Variants in MGAM observed in about 807,000 individuals in gnomAD.
MGAM encodes alpha-1,4-glucosidase.
In MGAM, 253 loss-of-function variants were observed where a neutral mutation model predicts 358.8. The observed-to-expected ratio is 0.71, with a 90% CI of 0.64 to 0.78. The LOEUF is 0.78. Ranked by LOEUF, MGAM falls within the 30% of genes least tolerant of loss-of-function variation. The pLI is 0.00. For missense variants in MGAM, 3,080 were observed against 3,432.6 expected, an observed-to-expected ratio of 0.90 and a Z score of 2.57; for synonymous variants, 1,105 against 1,227.1, an observed-to-expected ratio of 0.90 and a Z score of 2.08.
intron 67 of MGAM, among the ~76,000 whole-genome samples, chr7:142,100,104 A>G (rs987459366): frequency 2.0e-5 from 3 of 152,226 alleles, no homozygotes; most frequent in Non-Finnish European, 2.9e-5. Flanking sequence ...TTCCTCTACA[A>G]GATGTTAAAA....
intron 19 of MGAM, 138 bp from the exon 20 acceptor site, chr7:142,039,977 G>C: frequency 1.5e-6 from 1 of 656,930 alleles, no homozygotes; most frequent in South Asian, 2.0e-5. Flanking sequence ...TCTATTATTT[G>C]TATTAGAGGA....
chr7:142,060,512 T>G (rs62477621), intron 34 of MGAM, 139 bp downstream of exon 34: 182,339 of 958,384 alleles, frequency 0.19, 6,555 homozygotes, highest in East Asian at 0.32. Flanking sequence ...TTGGGTGTCA[T>G]TCTGTATGCC....
chr7:142,071,374 A>G (rs892359677), intron 44 of MGAM, among the ~76,000 whole-genome samples: 1 of 146,798 alleles, frequency 6.8e-6, no homozygotes, highest in Non-Finnish European at 1.5e-5. Context: ...CACATCTGAC[A>G]TGGAAGTCAA....
intron 18 of MGAM, 42 bp downstream of exon 18, chr7:142,037,019 G>C (rs782656863): frequency 7.6e-6 from 12 of 1,570,850 alleles, no homozygotes; most frequent in Non-Finnish European, 1.0e-5. Context: ...AATGCATCTG[G>C]AATGACATTG....
intron 3 of MGAM, among the ~76,000 whole-genome samples, chr7:142,009,838 C>G (rs563867590): frequency 1.3e-5 from 2 of 151,992 alleles, no homozygotes; most frequent in Non-Finnish European, 2.9e-5. Flanking sequence ...GTATGCTGAT[C>G]CAGATTGTTG....
In MGAM at chr7:142,094,673, C is replaced by T. The variant is rs1002730011; in HGVS notation, c.7341+19C>T. The T allele has an allele frequency of 5.0e-6, 8 of 1,612,162 alleles. No individual in the cohort carries two copies. In the Admixed American group the frequency reaches 1.3e-4, roughly 27 times the overall value. ...ATCCTATGTGAGTGTCCTTGGGATC[C>T]TCCTAAGCACCAAGAAGGTGGGGAC... On this transcript the variant is annotated intron_variant, in intron 62 of 70. Coordinates refer to ENST00000475668, the MANE Select transcript of MGAM (RefSeq NM_001365693.1).
chr7:142,043,474 TATA>T lies in MGAM; in HGVS notation c.2498+2632_2498+2634del, dbSNP rs1280909542. ...ATATAATATATATATTATATATACA[TATA>T]ATATCTAAATATAATATATATATTA... On this transcript the variant is annotated intron_variant, in intron 21 of 70. Coordinates refer to ENST00000475668, the MANE Select transcript of MGAM (RefSeq NM_001365693.1). 3.5e-4 allele frequency among the ~76,000 whole-genome samples: 25 copies of T among 71,582 alleles called. 4 individuals carry two copies. The highest frequency in any genetic ancestry group is 1.4e-3 in the African/African-American group (24 of 17,264). 47.0% of individuals were successfully genotyped at this position (71,582 alleles called of 152,430 possible).
intron 2 of MGAM, 106 bp from the exon 3 acceptor site, chr7:142,008,400 A>T: frequency 8.1e-7 from 1 of 1,230,360 alleles, no homozygotes; most frequent in South Asian, 1.6e-5. Flanking sequence ...AGGTCATCAG[A>T]GTGAAGCCTA....
chr7:142,099,710 A>T lies in MGAM; in HGVS notation c.7847A>T (p.Gln2616Leu). 6.2e-7 allele frequency: 1 copy of T among 1,614,012 alleles called. No individual in the cohort carries two copies. The highest frequency in any genetic ancestry group is 8.5e-7 in the Non-Finnish European group (1 of 1,179,874). ...CGTGGGGGCTACATCCTGCCCTGGC[A>T]AGAGCCTGCACTGAACACCCACTTA... ...HVRGGYILPW[Q>L]EPALNTHLSR... Residue 2616 changes from glutamine (Q) to leucine (L), a missense_variant, in exon 67 of 71, where the codon CAA becomes CTA. Physicochemically the swap from Gln to Leu is moderately radical, Grantham distance 113 (BLOSUM62 -2). Around this residue, in one of 5 missense-constraint regions of MGAM, gnomAD observed 194 missense variants for 172.8 expected, o/e 1.12. Coordinates refer to ENST00000475668, the MANE Select transcript of MGAM (RefSeq NM_001365693.1).
At chr7:142,067,964 AAATATATATATATATATATATATTTT>A (rs1173056707) in intron 42 of MGAM, among the ~76,000 whole-genome samples, 7 of 31,100 alleles carry the variant, frequency 2.3e-4, no homozygotes, top group South Asian at 2.4e-3. Flanking sequence ...ATATATATAT[AAATATATATATATATATATATATTTT>A]TTTTTTTTTT....
At chr7:142,077,853 A>G (rs776002168) in intron 47 of MGAM, among the ~76,000 whole-genome samples, 12 of 145,614 alleles carry the variant, frequency 8.2e-5, no homozygotes, top group Non-Finnish European at 1.2e-4. Context: ...TAACCAGGTC[A>G]TATGATTCTT....
intron 14 of MGAM, among the ~76,000 whole-genome samples, chr7:142,033,120 A>G (rs143603525): frequency 6.6e-6 from 1 of 152,226 alleles, no homozygotes; most frequent in Non-Finnish European, 1.5e-5. Context: ...GGGGCAATCT[A>G]GTACTTCTAC....
intron 26 of MGAM, among the ~76,000 whole-genome samples, chr7:142,054,090 T>G (rs1215023654): frequency 6.6e-6 from 1 of 152,236 alleles, no homozygotes; most frequent in Non-Finnish European, 1.5e-5. Flanking sequence ...TATTCTAGAC[T>G]GTATTTCTCC....
rs1554457577 is a variant in MGAM, at chr7:142,019,306, C to T, written c.435C>T (p.Val145=). 3.7e-6 allele frequency: 6 copies of T among 1,613,012 alleles called. No individual in the cohort carries two copies. Among genetic ancestry groups the T allele is most frequent in the South Asian group, 1.1e-5 (1 of 91,072 alleles). The change falls in exon 4 of 71, where the codon GTC becomes GTT. Residue 145 remains valine, a synonymous_variant. Transcript: ENST00000475668. ...GCTACCATGTAGAGGGCAACCTTGTCAACACAAATGCAGGTAAGCCAGAGT... is the reference window on the plus strand; with the variant it reads ...GCTACCATGTAGAGGGCAACCTTGTTAACACAAATGCAGGTAAGCCAGAGT... ...NHSYHVEGNL[V]NTNAGFTARL... is the part of the protein sequence containing the mutation.
In MGAM at chr7:142,096,100, G is replaced by A. The variant is rs1815879856; in HGVS notation, c.7608-231G>A. ...TTGCCATGGTTGAGAAATGGGGCAA[G>A]TATTTTACAAGAGAGAATACATCTA... is the stretch of plus-strand genomic sequence containing the variant. On this transcript the variant is annotated intron_variant, in intron 64 of 70. Coordinates refer to ENST00000475668, the MANE Select transcript of MGAM (RefSeq NM_001365693.1). 5 of 609,842 alleles carry A rather than the reference G, an allele frequency of 8.2e-6. No individual in the cohort carries two copies. In the South Asian group the frequency reaches 8.3e-5, roughly 10 times the overall value. 37.8% of individuals were successfully genotyped at this position (609,842 alleles called of 1,614,324 possible). A position where few individuals can be genotyped will look rare whatever the true frequency, so the allele number is the denominator to read the frequency against.
At position 142,030,397 on chromosome 7, in the gene MGAM, G is replaced by C; in HGVS notation, c.1257G>C (p.Glu419Asp). ...VQHADIDYMD[E>D]RRDFTYDSVD... The stretch of plus-strand genomic sequence containing the variant: ...ATGCTGATATTGATTATATGGATGA[G>C]AGAAGGGACTTCACTTATGATTCAG... The change falls in exon 11 of 71, where the codon GAG (glutamate) becomes GAC (aspartate). Residue 419 changes from glutamate to aspartate, a missense_variant. Glu to Asp is a conservative substitution (Grantham distance 45). Around this residue, in one of 5 missense-constraint regions of MGAM, gnomAD observed 1,816 missense variants for 1,840.5 expected, o/e 0.99. Coordinates refer to ENST00000475668, the MANE Select transcript of MGAM (RefSeq NM_001365693.1). 1 of 1,613,452 alleles carries C rather than the reference G, an allele frequency of 6.2e-7. No individual in the cohort carries two copies. Among genetic ancestry groups the C allele is most frequent in the East Asian group, 2.2e-5 (1 of 44,814 alleles).
At chr7:142,044,005 C>T (rs555530673) in intron 21 of MGAM, among the ~76,000 whole-genome samples, 9 of 127,466 alleles carry the variant, frequency 7.1e-5, no homozygotes, top group South Asian at 2.3e-4. Context: ...ACACATACGA[C>T]GTATAATATA....
At chr7:142,016,650 T>C (rs1307751318) in intron 3 of MGAM, among the ~76,000 whole-genome samples, 1 of 152,208 alleles carries the variant, frequency 6.6e-6, no homozygotes, top group East Asian at 1.9e-4. Context: ...TGGAGTGCAG[T>C]GGCACAATCT....
intron 21 of MGAM, among the ~76,000 whole-genome samples, chr7:142,041,845 C>A (rs1423773506): frequency 8.1e-6 from 1 of 122,762 alleles, no homozygotes; most frequent in Non-Finnish European, 1.7e-5. Context: ...CTGCCACTTT[C>A]AAGTTTCTGG....
Sources: allele counts gnomAD v4.1 joint callset (sites outside exome capture counted in the v4.1 genomes callset), GRCh38; gene constraint gnomAD v4.1.1; regional missense constraint gnomAD v4.1.1; transcripts MANE v1.5; gene names NCBI Gene and HGNC (gene_info 2026-07-23, HGNC 2026-07-21).